TBC1D4: variants seen among roughly 807,000 people sequenced by gnomAD.
The protein encoded by TBC1D4 is TBC1 domain family member 4, also known as TBC (Tre-2, BUB2, CDC16) domain-containing protein.
TBC1D4 carries 121 observed loss-of-function variants against 142.5 expected under a neutral mutation model. That is an observed-to-expected ratio of 0.85 (90% CI 0.73 to 0.99). The LOEUF is 0.99. Among genes scored for constraint, TBC1D4 ranks in the 50% least tolerant of loss-of-function variants. TBC1D4 has a pLI of 0.00. For synonymous variants in TBC1D4, 630 were observed against 628.2 expected (o/e 1.00, Z -0.04); for missense variants, 1,475 against 1,606.6 (o/e 0.92, Z 1.40).
chr13:75,439,481 C>T (rs1409368695), intron 1 of TBC1D4, among the ~76,000 whole-genome samples: 1 of 152,132 alleles, frequency 6.6e-6, no homozygotes, highest in Non-Finnish European at 1.5e-5. Context: ...GACTGCTATC[C>T]AGAGTATTTA....
At chr13:75,366,127 C>A (rs983917434) in intron 1 of TBC1D4, among the ~76,000 whole-genome samples, 3 of 152,146 alleles carry the variant, frequency 2.0e-5, no homozygotes, top group African/African-American at 7.2e-5. Flanking sequence ...TGCCTACAAC[C>A]CACAGAGCCT....
intron 1 of TBC1D4, among the ~76,000 whole-genome samples, chr13:75,440,467 T>A (rs1213462823): frequency 6.6e-6 from 1 of 152,088 alleles, no homozygotes; most frequent in Non-Finnish European, 1.5e-5. Flanking sequence ...ACATCAAGAC[T>A]AGACTGAACA....
intron 4 of TBC1D4, among the ~76,000 whole-genome samples, chr13:75,355,722 C>A (rs1214368348): frequency 6.6e-6 from 1 of 152,012 alleles, no homozygotes; most frequent in Admixed American, 6.6e-5. Context: ...GAAGAAGGGG[C>A]TAATAAAATA....
At position 75,312,365 on chromosome 13, in the gene TBC1D4, T is replaced by C. The variant is rs191447809; in HGVS notation, c.2383+373A>G. 2.0e-3 allele frequency among the ~76,000 whole-genome samples: 306 copies of C among 149,922 alleles called. 6 individuals carry two copies. The highest frequency in any genetic ancestry group is 2.0e-3 in the East Asian group (10 of 5,106). On this transcript the variant is annotated intron_variant, in intron 13 of 20. Transcript: ENST00000377636. ...AGTTCAAGGCTACAGTGAGCTATGA[T>C]TACACCACTGCAACCCCAGCCTGGG...
intron 4 of TBC1D4, among the ~76,000 whole-genome samples, chr13:75,355,201 C>A (rs1408847899): frequency 6.6e-6 from 1 of 152,196 alleles, no homozygotes; most frequent in South Asian, 2.1e-4. Flanking sequence ...TGCTGCCTGA[C>A]TGATTTCTAT....
intron 13 of TBC1D4, among the ~76,000 whole-genome samples, chr13:75,312,433 A>AG (rs1877858245): frequency 6.6e-6 from 1 of 151,360 alleles, no homozygotes; most frequent in African/African-American, 2.4e-5. Flanking sequence ...AAAAAGAAAG[A>AG]AAGAAAGAAA....
chr13:75,383,117 T>C (rs918763085), intron 1 of TBC1D4, among the ~76,000 whole-genome samples: 3 of 152,038 alleles, frequency 2.0e-5, no homozygotes, highest in Non-Finnish European at 4.4e-5. Flanking sequence ...AGGCCAGGAG[T>C]TTGAGACCAC....
chr13:75,471,524 G>C (rs569635669), intron 1 of TBC1D4, among the ~76,000 whole-genome samples: 1 of 152,162 alleles, frequency 6.6e-6, no homozygotes, highest in Admixed American at 6.5e-5. Flanking sequence ...AATCACTTGA[G>C]GCCAGGAGTT....
chr13:75,438,103 A>G (rs1431352034), intron 1 of TBC1D4, among the ~76,000 whole-genome samples: 4 of 152,188 alleles, frequency 2.6e-5, no homozygotes, highest in Admixed American at 2.6e-4. Context: ...ATATCCAATA[A>G]TTGATATGGT....
At chr13:75,444,499 G>A (rs1887191149) in intron 1 of TBC1D4, among the ~76,000 whole-genome samples, 1 of 152,110 alleles carries the variant, frequency 6.6e-6, no homozygotes, top group Non-Finnish European at 1.5e-5. Flanking sequence ...CCAAGGGAAT[G>A]GAAAAAACAA....
chr13:75,297,113 A>G (rs1177033050), intron 17 of TBC1D4, among the ~76,000 whole-genome samples: 3 of 152,224 alleles, frequency 2.0e-5, no homozygotes, highest in Non-Finnish European at 2.9e-5. Context: ...AAGGTCCCCA[A>G]TACTGCGGCC....
intron 1 of TBC1D4, among the ~76,000 whole-genome samples, chr13:75,479,381 A>T (rs571055435): frequency 1.8e-4 from 27 of 152,326 alleles, no homozygotes; most frequent in Admixed American, 1.1e-3. Flanking sequence ...CACTGCTCCC[A>T]CTGGACTAAA....
chr13:75,311,609 C>T (rs1451152790), intron 13 of TBC1D4, among the ~76,000 whole-genome samples: 2 of 152,016 alleles, frequency 1.3e-5, no homozygotes, highest in African/African-American at 4.8e-5. Flanking sequence ...TTAACTGCTC[C>T]CTAGATCCGT....
At position 75,286,571 on chromosome 13, in the gene TBC1D4, A is replaced by T. The variant is rs1874687670; in HGVS notation, c.*221T>A. 3.9e-6 allele frequency: 2 copies of T among 507,318 alleles called. No homozygotes were observed. The highest frequency in any genetic ancestry group is 1.9e-5 in the African/African-American group (1 of 52,516). The allele number at this position is 507,318 out of a possible 1,614,324, so 31.4% of individuals were successfully genotyped here. A position where few individuals can be genotyped will look rare whatever the true frequency, so the allele number is the denominator to read the frequency against. On this transcript the variant is annotated 3_prime_UTR_variant, in exon 21 of 21. Coordinates refer to ENST00000377636, the MANE Select transcript of TBC1D4 (RefSeq NM_014832.5). ...CTATGTTCATTTTATATATATATTT[A>T]TATGTACATAGCAACAACAAAAACC... is the stretch of plus-strand genomic sequence containing the variant.
chr13:75,442,425 C>T (rs578108182), intron 1 of TBC1D4, among the ~76,000 whole-genome samples: 82 of 151,890 alleles, frequency 5.4e-4, no homozygotes, highest in African/African-American at 1.9e-3. Flanking sequence ...TATGAATATC[C>T]CAAAACAGAA....
chr13:75,313,828 T>TA (rs1215673266), intron 12 of TBC1D4, among the ~76,000 whole-genome samples: 1 of 152,180 alleles, frequency 6.6e-6, no homozygotes, highest in African/African-American at 2.4e-5. Flanking sequence ...CCCAGCCTGT[T>TA]AAAAAATGTT....
In TBC1D4 at chr13:75,284,907, A is replaced by G. The variant is rs1874534252; in HGVS notation, c.*1885T>C. On this transcript the variant is annotated 3_prime_UTR_variant, in exon 21 of 21. Coordinates refer to ENST00000377636, the MANE Select transcript of TBC1D4 (RefSeq NM_014832.5). ...GGATAAAGTTTACTTTAAACTGAAT[A>G]AAAGAAAGAAAAGGTTTCTTTCCGA... The G allele has an allele frequency of 1.3e-5, 2 of 152,218 alleles. No homozygotes were observed. The highest frequency in any genetic ancestry group is 2.1e-4 in the South Asian group (1 of 4,834). The allele number at this position is 152,218 out of a possible 1,614,324, so 9.4% of individuals were successfully genotyped here.
At chr13:75,471,260 CTATGT>C (rs1888388586) in intron 1 of TBC1D4, among the ~76,000 whole-genome samples, 1 of 152,072 alleles carries the variant, frequency 6.6e-6, no homozygotes, top group Non-Finnish European at 1.5e-5. Context: ...GTGACAGTCT[CTATGT>C]TATAACTAAT....
At chr13:75,457,717 A>G (rs1047638394) in intron 1 of TBC1D4, among the ~76,000 whole-genome samples, 4 of 152,224 alleles carry the variant, frequency 2.6e-5, no homozygotes, top group African/African-American at 9.6e-5. Context: ...GCTTATGAAC[A>G]TGAATTCCTA....
Sources: allele counts gnomAD v4.1 joint callset (sites outside exome capture counted in the v4.1 genomes callset), GRCh38; gene constraint gnomAD v4.1.1; transcripts MANE v1.5; gene names NCBI Gene and HGNC (gene_info 2026-07-23, HGNC 2026-07-21).